KCNN2: variants seen among roughly 807,000 people sequenced by gnomAD.
KCNN2 encodes the protein potassium calcium-activated channel subfamily N member 2, also known as small conductance calcium-activated potassium channel protein 2.
A neutral mutation model predicts 55.5 loss-of-function variants in KCNN2; 24 were observed. That is an observed-to-expected ratio of 0.43 (90% CI 0.31 to 0.61). The LOEUF (loss-of-function observed/expected upper bound fraction) is 0.61. Among genes scored for constraint, KCNN2 ranks in the 20% least tolerant of loss-of-function variants. KCNN2 has a pLI of 0.08. For missense variants in KCNN2, 754 were observed against 853.6 expected, an observed-to-expected ratio of 0.88 and a Z score of 1.45; for synonymous variants, 431 against 336.1, an observed-to-expected ratio of 1.28 and a Z score of -3.09.
chr5:114,105,279 C>A (rs755404245), intron 1 of KCNN2, among the ~76,000 whole-genome samples: 1 of 151,968 alleles, frequency 6.6e-6, no homozygotes, highest in Non-Finnish European at 1.5e-5. Context: ...AATAACTGAA[C>A]CATAAACAGT....
intron 1 of KCNN2, among the ~76,000 whole-genome samples, chr5:114,206,954 T>G (rs953925338): frequency 6.6e-6 from 1 of 152,176 alleles, no homozygotes; most frequent in Non-Finnish European, 1.5e-5. Context: ...TTGAGCCTTT[T>G]CTCCGTATTT....
chr5:114,450,237 A>G (rs994255348), intron 3 of KCNN2, among the ~76,000 whole-genome samples: 8 of 152,240 alleles, frequency 5.3e-5, no homozygotes, highest in Non-Finnish European at 1.0e-4. Context: ...CCTGGCACAC[A>G]TCAGACATGG....
At chr5:114,473,757 G>A (rs1761854769) in intron 5 of KCNN2, among the ~76,000 whole-genome samples, 1 of 152,170 alleles carries the variant, frequency 6.6e-6, no homozygotes, top group Admixed American at 6.5e-5. Context: ...GCCAGGCACT[G>A]TTCCAAGTGT....
At chr5:114,064,343 G>A (rs1750394815) in intron 1 of KCNN2, among the ~76,000 whole-genome samples, 1 of 152,150 alleles carries the variant, frequency 6.6e-6, no homozygotes, top group Non-Finnish European at 1.5e-5. Context: ...GACATTCTGA[G>A]GCTTCTGAGC....
chr5:114,415,655 T>G (rs950096729), intron 3 of KCNN2, among the ~76,000 whole-genome samples: 1 of 152,194 alleles, frequency 6.6e-6, no homozygotes, highest in African/African-American at 2.4e-5. Context: ...ATGGTGAATA[T>G]CTTTTAAGTG....
At chr5:114,211,059 A>G (rs1269638252) in intron 1 of KCNN2, among the ~76,000 whole-genome samples, 1 of 152,214 alleles carries the variant, frequency 6.6e-6, no homozygotes, top group Admixed American at 6.5e-5. Context: ...GTTAAAAAAA[A>G]ACAGATGGTT....
In KCNN2 at chr5:114,066,653, C is replaced by T. The variant is rs139101115; in HGVS notation, c.-271+10153C>T. Among the ~76,000 whole-genome samples the T allele has an allele frequency of 4.0e-3, 615 of 152,284 alleles. 5 individuals carry two copies. Among genetic ancestry groups the T allele is most frequent in the African/African-American group, 0.013 (557 of 41,568 alleles). On this transcript the variant is annotated intron_variant, in intron 1 of 10. Coordinates refer to the KCNN2 transcript ENST00000512097. Reference sequence around the variant, plus strand: ...GGAGTGCAGTGGCGTGATCTCGGCTCACTGCAACCTCTGCCTCCTGGGTTC... The same window carrying T: ...GGAGTGCAGTGGCGTGATCTCGGCTTACTGCAACCTCTGCCTCCTGGGTTC...
chr5:114,256,389 A>G (rs1754984416), intron 2 of KCNN2, among the ~76,000 whole-genome samples: 1 of 152,176 alleles, frequency 6.6e-6, no homozygotes. Context: ...CTTTGTGTGG[A>G]CACCCAGTAG....
intron 1 of KCNN2, among the ~76,000 whole-genome samples, chr5:114,153,336 G>T (rs1752564275): frequency 1.3e-5 from 2 of 152,112 alleles, no homozygotes; most frequent in African/African-American, 2.4e-5. Flanking sequence ...TGACCTCCAT[G>T]GAATAATCAA....
intron 2 of KCNN2, among the ~76,000 whole-genome samples, chr5:114,254,297 A>G (rs914820003): frequency 1.3e-5 from 2 of 152,186 alleles, no homozygotes; most frequent in African/African-American, 4.8e-5. Flanking sequence ...ACCTTTAAAC[A>G]TCTCCACAAG....
At chr5:114,195,058 C>A (rs1489248074) in intron 1 of KCNN2, among the ~76,000 whole-genome samples, 1 of 151,840 alleles carries the variant, frequency 6.6e-6, no homozygotes, top group African/African-American at 2.4e-5. Context: ...TAAGTCTATC[C>A]TTGTGCCAGT....
chr5:114,373,512 A>T (rs983534781), intron 2 of KCNN2, among the ~76,000 whole-genome samples: 17 of 150,006 alleles, frequency 1.1e-4, no homozygotes, highest in African/African-American at 4.2e-4. Context: ...TTGTGCATTC[A>T]TTCCCAGCTC....
intron 2 of KCNN2, among the ~76,000 whole-genome samples, chr5:114,400,221 A>G (rs1246321195): frequency 6.6e-6 from 1 of 151,870 alleles, no homozygotes; most frequent in Admixed American, 6.6e-5. Context: ...TAAATTTGAG[A>G]TCTTTCTAAC....
intron 1 of KCNN2, among the ~76,000 whole-genome samples, chr5:114,185,503 G>A (rs984671247): frequency 2.6e-5 from 4 of 152,190 alleles, no homozygotes; most frequent in Non-Finnish European, 4.4e-5. Context: ...TGTGTGGAAC[G>A]TGGGATTCAA....
intron 6 of KCNN2, 198 bp from the exon 7 acceptor site, chr5:114,493,205 T>C (rs1747945706): frequency 1.5e-6 from 1 of 665,324 alleles, no homozygotes; most frequent in Admixed American, 2.1e-5. Context: ...GCTCTCACTC[T>C]CTCCTTTCTT....
chr5:114,180,732 A>G (rs1753221840), intron 1 of KCNN2, among the ~76,000 whole-genome samples: 1 of 152,162 alleles, frequency 6.6e-6, no homozygotes, highest in Non-Finnish European at 1.5e-5. Context: ...CCAAACCCCT[A>G]ATACAATACA....
At chr5:114,140,370 C>A (rs551064973) in intron 1 of KCNN2, among the ~76,000 whole-genome samples, 1 of 152,206 alleles carries the variant, frequency 6.6e-6, no homozygotes, top group Admixed American at 6.5e-5. Flanking sequence ...GCTTTGCCTT[C>A]TACACCCTGT....
chr5:114,165,420 A>G (rs1281432578), intron 1 of KCNN2, among the ~76,000 whole-genome samples: 1 of 152,164 alleles, frequency 6.6e-6, no homozygotes, highest in Non-Finnish European at 1.5e-5. Flanking sequence ...TTTATTTATG[A>G]TCTTACGGCC....
At chr5:114,202,493 C>T (rs1462599465) in intron 1 of KCNN2, among the ~76,000 whole-genome samples, 2 of 61,120 alleles carry the variant, frequency 3.3e-5, no homozygotes, top group Non-Finnish European at 6.5e-5. Context: ...GCACTTCATG[C>T]CTAATATATA....
Sources: allele counts gnomAD v4.1 joint callset (sites outside exome capture counted in the v4.1 genomes callset), GRCh38; gene constraint gnomAD v4.1.1; transcripts MANE v1.5; gene names NCBI Gene and HGNC (gene_info 2026-07-23, HGNC 2026-07-21).